Variants in HEXD observed in about 807,000 individuals in gnomAD.
The protein encoded by HEXD is N-acetyl-beta-galactosaminidase.
A neutral mutation model predicts 54.2 loss-of-function variants in HEXD; 47 were observed. The ratio of observed to expected loss-of-function variants is 0.87; its 90% CI spans 0.69 to 1.11. HEXD has a LOEUF of 1.11. Among genes scored for constraint, HEXD ranks in the 50% least tolerant of loss-of-function variants. The pLI, the probability that HEXD is intolerant of heterozygous loss-of-function variation, is 0.00. For missense variants in HEXD, 576 were observed against 649.2 expected (o/e 0.89, Z 1.23); for synonymous variants, 293 against 287.6 (o/e 1.02, Z -0.19).
intron 6 of HEXD, 101 bp from the exon 7 acceptor site, chr17:82,436,566 A>G: frequency 1.1e-6 from 1 of 895,568 alleles, no homozygotes; most frequent in Non-Finnish European, 1.7e-6. Context: ...TTAAAAAGGT[A>G]TCTGTGCTCA....
chr17:82,433,124 ATATATTT>A (rs1567890630), intron 4 of HEXD, among the ~76,000 whole-genome samples: 4 of 16,042 alleles, frequency 2.5e-4, no homozygotes, highest in Admixed American at 1.1e-3. Context: ...ATATATATAT[ATATATTT>A]TTTTTTTTTT....
intron 4 of HEXD, among the ~76,000 whole-genome samples, chr17:82,430,049 G>C (rs1326279168): frequency 1.3e-5 from 2 of 152,080 alleles, no homozygotes; most frequent in Non-Finnish European, 2.9e-5. Context: ...TCCTGCTGCT[G>C]CTCCTCCTCC....
In HEXD at chr17:82,442,450, G is replaced by A. The variant is rs2054022386; in HGVS notation, c.*66G>A. 1.2e-6 allele frequency: 2 copies of A among 1,609,598 alleles called. No individual in the cohort carries two copies. Among genetic ancestry groups the A allele is most frequent in the South Asian group, 1.1e-5 (1 of 91,022 alleles). On this transcript the variant is annotated 3_prime_UTR_variant, in exon 13 of 13. Coordinates refer to ENST00000327949, the MANE Select transcript of HEXD (RefSeq NM_001330542.2). The surrounding 1 kb of genome is among the most constrained non-coding windows in gnomAD (Gnocchi z 6.8). ...GGGGCTCTGCACTGCCAAATGGCCT[G>A]GGCAATACGGGCCCACGTGGGCGTC... is the stretch of plus-strand genomic sequence containing the variant.
Position 82,437,197 on chromosome 17 carries a change from G to A in HEXD, c.733G>A (p.Gly245Ser), listed in dbSNP as rs764432119. 51 of 1,600,418 alleles carry A rather than the reference G, an allele frequency of 3.2e-5. No homozygotes were observed. The highest frequency in any genetic ancestry group is 2.4e-4 in the African/African-American group (18 of 74,642). Reference protein sequence around the residue: ...VLLMQKYRRCGFPQLWAASAF... With the variant: ...VLLMQKYRRCSFPQLWAASAF... ...CCTCATGCAGAAGTACCGGCGGTGC[G>A]GCTTTCCGCAGCTGTGGGCAGCCAG... Residue 245 changes from glycine to serine, a missense_variant, in exon 8 of 13, where the codon GGC (glycine) becomes AGC (serine). Gly to Ser is a moderately conservative substitution (Grantham distance 56). Transcript: ENST00000327949.
chr17:82,432,856 G>A (rs966398611), intron 4 of HEXD, among the ~76,000 whole-genome samples: 2 of 150,784 alleles, frequency 1.3e-5, no homozygotes, highest in African/African-American at 2.4e-5. Flanking sequence ...AAGGTCAGGA[G>A]ATCGAGACCA....
intron 2 of HEXD, among the ~76,000 whole-genome samples, chr17:82,422,039 C>T (rs1210337199): frequency 6.6e-6 from 1 of 151,608 alleles, no homozygotes; most frequent in Non-Finnish European, 1.5e-5. Flanking sequence ...GTGGTGGCGG[C>T]GCCTGTAATC....
At chr17:82,425,961 A>C (rs1370789390) in intron 3 of HEXD, 1 of 152,278 alleles carries the variant, frequency 6.6e-6, no homozygotes, top group African/African-American at 2.4e-5. Flanking sequence ...AAAAATAGCC[A>C]TGGATAGTGG....
intron 3 of HEXD, 32 bp downstream of exon 3, chr17:82,424,535 G>T (rs768836205): frequency 1.3e-6 from 2 of 1,506,820 alleles, no homozygotes; most frequent in Non-Finnish European, 1.8e-6. Context: ...ACAGGGGCGC[G>T]GCGTGAAAGC....
rs1555617646 is a variant in HEXD, at chr17:82,433,091, AATATATATATATATAT to A, written c.283-544_283-529del. On this transcript the variant is annotated intron_variant, in intron 4 of 12. Transcript: ENST00000327949. ...AAAAAAAAAAAGAAAAAAAAAAAAAAATATATATATATATATATATATATATATATATATATATTTT... is the reference window on the plus strand; with the variant it reads ...AAAAAAAAAAAGAAAAAAAAAAAAAAATATATATATATATATATATATTTT... Among the ~76,000 whole-genome samples, 6 of 13,234 alleles carry A rather than the reference AATATATATATATATAT, an allele frequency of 4.5e-4. 1 individual carries two copies. The highest frequency in any genetic ancestry group is 3.6e-3 in the African/African-American group (6 of 1,656). The allele number at this position is 13,234 out of a possible 152,430, so 8.7% of individuals were successfully genotyped here.
At chr17:82,437,052 G>T in intron 7 of HEXD, 116 bp from the exon 8 acceptor site, 4 of 910,558 alleles carry the variant, frequency 4.4e-6, no homozygotes. Context: ...TGAGACCCGG[G>T]CCTGGCTGTC....
chr17:82,418,490 C>G lies in HEXD; in HGVS notation c.-302C>G. On this transcript the variant is annotated 5_prime_UTR_variant, in exon 1 of 13. Transcript: ENST00000327949. ...GGCCCTCCGCTGAGGAGCCATCGGA[C>G]CAGGCCGCCGCGGAGCCGGGCCGGA... 7.1e-7 allele frequency: 1 copy of G among 1,406,930 alleles called. No individual in the cohort carries two copies. The highest frequency in any genetic ancestry group is 9.2e-7 in the Non-Finnish European group (1 of 1,083,070). The allele number at this position is 1,406,930 out of a possible 1,614,324, so 87.2% of individuals were successfully genotyped here.
chr17:82,436,702 TGGGACTACAC>T lies in HEXD; in HGVS notation c.670_679del (p.Asp224ProfsTer69), dbSNP rs1226365241. ...GCCGCAGCTGGTGGAGCCGGTGCTC[TGGGACTACAC>T]GGCCGACCTGGATGTGCACGGCAAG... On this transcript the variant is annotated frameshift_variant, in exon 7 of 13. Transcript: ENST00000327949. LOFTEE classifies it high-confidence loss of function. The T allele has an allele frequency of 6.2e-7, 1 of 1,612,534 alleles. No homozygotes were observed. Among genetic ancestry groups the T allele is most frequent in the Non-Finnish European group, 8.5e-7 (1 of 1,179,714 alleles).
rs1248964365 is a variant in HEXD at position 82,433,738 on chromosome 17, G to A, written c.363G>A (p.Glu121=). 1 of 1,613,312 alleles carries A rather than the reference G, an allele frequency of 6.2e-7. No individual in the cohort carries two copies. The highest frequency in any genetic ancestry group is 1.7e-5 in the Admixed American group (1 of 59,994). ...FPCTLNPHEA[E]SLALVGAMID... Reference sequence around the variant, plus strand: ...GCACCCTGAACCCCCACGAGGCAGAGTCCCTGGCGCTGGTGGGCGCCATGA... The same window carrying A: ...GCACCCTGAACCCCCACGAGGCAGAATCCCTGGCGCTGGTGGGCGCCATGA... The change falls in exon 5 of 13, where the codon GAG becomes GAA. Residue 121 remains glutamate (E), a synonymous_variant. Coordinates refer to ENST00000327949, the MANE Select transcript of HEXD (RefSeq NM_001330542.2).
chr17:82,424,321 C>T (rs2053330923), intron 2 of HEXD, 73 bp from the exon 3 acceptor site: 1 of 928,644 alleles, frequency 1.1e-6, no homozygotes, highest in Non-Finnish European at 1.8e-6. Flanking sequence ...GGGAAGGCGT[C>T]TCCCTGCTGT....
chr17:82,431,363 T>C (rs2053571517), intron 4 of HEXD, among the ~76,000 whole-genome samples: 1 of 151,944 alleles, frequency 6.6e-6, no homozygotes, highest in Admixed American at 6.6e-5. Context: ...GGTCTCACTA[T>C]GTTGCTGGGC....
chr17:82,442,107 G>A lies in HEXD; in HGVS notation c.1254-70G>A. On this transcript the variant is annotated intron_variant, in intron 12 of 12. Coordinates refer to ENST00000327949, the MANE Select transcript of HEXD (RefSeq NM_001330542.2). The surrounding 1 kb of genome is among the most constrained non-coding windows in gnomAD (Gnocchi z 6.8). ...CACAGGTGAACTGAGGCACAGGGCA[G>A]TACTGACCATGGGGCTGAGGGCAAG... is the stretch of plus-strand genomic sequence containing the variant. The A allele has an allele frequency of 6.5e-7, 1 of 1,536,662 alleles. No individual in the cohort carries two copies. The highest frequency in any genetic ancestry group is 8.8e-7 in the Non-Finnish European group (1 of 1,135,804).
intron 4 of HEXD, among the ~76,000 whole-genome samples, chr17:82,431,451 C>T (rs1396256389): frequency 6.8e-6 from 1 of 146,448 alleles, no homozygotes; most frequent in Non-Finnish European, 1.5e-5. Context: ...TTTTTTGAGA[C>T]AGAGTTTCAC....
intron 8 of HEXD, among the ~76,000 whole-genome samples, chr17:82,438,321 G>A (rs1241906946): frequency 6.6e-6 from 1 of 152,166 alleles, no homozygotes; most frequent in Non-Finnish European, 1.5e-5. Flanking sequence ...CCTAACTCTG[G>A]TGACCTAGAA....
Position 82,418,512 on chromosome 17 carries a change from C to T in HEXD, c.-280C>T. 2 of 1,301,838 alleles carry T rather than the reference C, an allele frequency of 1.5e-6. No homozygotes were observed. The highest frequency in any genetic ancestry group is 2.0e-6 in the Non-Finnish European group (2 of 1,020,022). The allele number at this position is 1,301,838 out of a possible 1,614,324, so 80.6% of individuals were successfully genotyped here. A position where few individuals can be genotyped will look rare whatever the true frequency, so the allele number is the denominator to read the frequency against. On this transcript the variant is annotated 5_prime_UTR_variant, in exon 1 of 13. Transcript: ENST00000327949. ...GGACCAGGCCGCCGCGGAGCCGGGC[C>T]GGACGCGGGCGCCAGGCCCGGGGAC...
Sources: gnomAD v4.1 joint callset for allele counts (sites outside exome capture counted in the v4.1 genomes callset) on GRCh38, gnomAD v4.1.1 for gene constraint, Gnocchi (gnomAD v3.1) non-coding constraint, MANE v1.5 for transcripts, NCBI Gene and HGNC (gene_info 2026-07-23, HGNC 2026-07-21) for gene names.